Variants in CC2D2A observed in about 807,000 individuals in gnomAD.
The protein encoded by CC2D2A is coiled-coil and C2 domain-containing protein 2A.
In CC2D2A, 155 loss-of-function variants were observed where a neutral mutation model predicts 212.9. The observed-to-expected ratio is 0.73, with a 90% CI of 0.64 to 0.83. The LOEUF is 0.83. Among genes scored for constraint, CC2D2A ranks in the 40% least tolerant of loss-of-function variants. The pLI is 0.00. For synonymous variants in CC2D2A, 667 were observed against 686.5 expected (o/e 0.97, Z 0.44); for missense variants, 1,856 against 1,956.2 (o/e 0.95, Z 0.97).
At chr4:15,529,814 G>A (rs1717724798) in intron 13 of CC2D2A, among the ~76,000 whole-genome samples, 1 of 145,690 alleles carries the variant, frequency 6.9e-6, no homozygotes, top group Non-Finnish European at 1.5e-5. Flanking sequence ...AATAAATCGA[G>A]GCTTTTTTTT....
rs10022530 is a variant in CC2D2A, at chr4:15,473,476, A to G, written c.-18-2439A>G. On this transcript the variant is annotated intron_variant, in intron 1 of 36. Transcript: ENST00000424120. The stretch of plus-strand genomic sequence containing the variant: ...GAACTAGGTAGCAGGAACCGCAGCT[A>G]CAAAGGTCCTGAGGCAACAGGATTC... Among the ~76,000 whole-genome samples, 129,060 of 152,176 alleles carry G rather than the reference A, an allele frequency of 0.85. 54,892 individuals are homozygous for G. The highest frequency in any genetic ancestry group is 0.97 in the East Asian group (5,038 of 5,172).
rs1349492467 is a variant in CC2D2A, at chr4:15,567,683, G to A, written c.3295G>A (p.Val1099Ile). The change falls in exon 26 of 37, where the codon GTA becomes ATA. Residue 1099 changes from valine (V) to isoleucine (I), a missense_variant. By Grantham distance (29) the Val-to-Ile change is conservative (BLOSUM62 3). Transcript: ENST00000424120. Reference sequence around the variant, plus strand: ...ATTTGCTCTTGATTTTAAGGTTTTAGTACGTCCCTTTGTAGAAGTCTCTTT... The same window carrying A: ...ATTTGCTCTTGATTTTAAGGTTTTAATACGTCCCTTTGTAGAAGTCTCTTT... ...NADYPLGQVLVRPFVEVSFQR... is the reference protein window; with the variant it reads ...NADYPLGQVLIRPFVEVSFQR... 1 of 1,599,736 alleles carries A rather than the reference G, an allele frequency of 6.3e-7. No homozygotes were observed. The highest frequency in any genetic ancestry group is 8.5e-7 in the Non-Finnish European group (1 of 1,175,750).
At chr4:15,517,017 G>A (rs1716918909) in intron 11 of CC2D2A, among the ~76,000 whole-genome samples, 2 of 139,910 alleles carry the variant, frequency 1.4e-5, no homozygotes, top group Admixed American at 7.9e-5. Context: ...GCGCGATCTC[G>A]GCTCACTGCA....
chr4:15,570,002 T>C (rs1245335802), intron 27 of CC2D2A, among the ~76,000 whole-genome samples: 3 of 152,196 alleles, frequency 2.0e-5, no homozygotes, highest in African/African-American at 7.2e-5. Context: ...TGGTAACATT[T>C]TCCATCTTTC....
Position 15,527,516 on chromosome 4 carries a change from G to A in CC2D2A, c.1219G>A (p.Asp407Asn). The change falls in exon 12 of 37, where the codon GAC (aspartate) becomes AAC (asparagine). Residue 407 changes from aspartate to asparagine, a missense_variant. Asp to Asn is a conservative substitution (Grantham distance 23, BLOSUM62 1). This residue lies in a region of CC2D2A where 1,512 missense variants were observed against 1,579.3 expected (regional missense o/e 0.96). Coordinates refer to ENST00000424120, the MANE Select transcript of CC2D2A (RefSeq NM_001378615.1). ...AGACCCTCCTGGAAATTTCCAACTG[G>A]ACATTGATATTTCAGGGTTAATCTT... is the stretch of plus-strand genomic sequence containing the variant. The part of the protein sequence containing the change: ...SGDPPGNFQL[D>N]IDISGLIFTH... 1 of 1,613,594 alleles carries A rather than the reference G, an allele frequency of 6.2e-7. No individual in the cohort carries two copies. The highest frequency in any genetic ancestry group is 1.6e-4 in the Middle Eastern group (1 of 6,062).
At chr4:15,555,274 C>A in intron 20 of CC2D2A, 64 bp downstream of exon 20, 1 of 1,559,472 alleles carries the variant, frequency 6.4e-7, no homozygotes, top group South Asian at 1.2e-5. Flanking sequence ...TTCCTTTACA[C>A]TATCTTCTCC....
Position 15,511,427 on chromosome 4 carries a change from T to C in CC2D2A, c.717+4T>C. The C allele has an allele frequency of 6.5e-7, 1 of 1,530,042 alleles. No homozygotes were observed. Among genetic ancestry groups the C allele is most frequent in the Non-Finnish European group, 8.7e-7 (1 of 1,147,844 alleles). The allele number at this position is 1,530,042 out of a possible 1,614,324, so 94.8% of individuals were successfully genotyped here. ...ACAAGGAGGAGGAAAGGAAATGGTA[T>C]TTAATATCAGGATGGTAATGAGGTG... On this transcript the variant is annotated splice_donor_region_variant and intron_variant, in intron 8 of 36. Transcript: ENST00000424120.
At position 15,567,677 on chromosome 4, in the gene CC2D2A, G is replaced by A; in HGVS notation, c.3289G>A (p.Val1097Ile). 2.5e-6 allele frequency: 4 copies of A among 1,595,052 alleles called. No individual in the cohort carries two copies. The highest frequency in any genetic ancestry group is 3.4e-6 in the Non-Finnish European group (4 of 1,173,802). Reference protein sequence around the residue: ...THNADYPLGQVLVRPFVEVSF... With the variant: ...THNADYPLGQILVRPFVEVSF... ...CTCAGAATTTGCTCTTGATTTTAAG[G>A]TTTTAGTACGTCCCTTTGTAGAAGT... The change falls in exon 26 of 37, where the codon GTT becomes ATT. Residue 1097 changes from valine (V) to isoleucine (I), a missense_variant and splice_region_variant. By Grantham distance (29) the Val-to-Ile change is conservative. This residue lies in a region of CC2D2A where 1,512 missense variants were observed against 1,579.3 expected (regional missense o/e 0.96). Transcript: ENST00000424120.
chr4:15,600,843 G>A (rs1721555789), intron 36 of CC2D2A, among the ~76,000 whole-genome samples: 1 of 147,292 alleles, frequency 6.8e-6, no homozygotes, highest in African/African-American at 2.5e-5. Flanking sequence ...GGCCGAGGCT[G>A]CAGTGGTGAG....
At chr4:15,569,483 C>T in intron 27 of CC2D2A, 94 bp downstream of exon 27, 1 of 718,776 alleles carries the variant, frequency 1.4e-6, no homozygotes, top group Non-Finnish European at 2.5e-6. Context: ...AGAAAGGGGT[C>T]CCGATCTAGA....
At chr4:15,530,315 A>C (rs1438908706) in intron 13 of CC2D2A, among the ~76,000 whole-genome samples, 1 of 152,168 alleles carries the variant, frequency 6.6e-6, no homozygotes, top group African/African-American at 2.4e-5. Flanking sequence ...TTTAGCTATG[A>C]GTTGGAAATT....
At chr4:15,502,541 CT>C in intron 5 of CC2D2A, 24 bp downstream of exon 5, 1 of 1,560,402 alleles carries the variant, frequency 6.4e-7, no homozygotes, top group East Asian at 2.2e-5. Flanking sequence ...CATGAATATT[CT>C]GTTCAGTGCT....
In CC2D2A at chr4:15,538,122, A is replaced by G. The variant is rs764073088; in HGVS notation, c.1988A>G (p.Asn663Ser). 4 of 1,585,616 alleles carry G rather than the reference A, an allele frequency of 2.5e-6. No homozygotes were observed. Among genetic ancestry groups the G allele is most frequent in the East Asian group, 4.6e-5 (2 of 43,878 alleles). The change falls in exon 16 of 37, where the codon AAT becomes AGT. Residue 663 changes from asparagine (N) to serine (S), a missense_variant. Physicochemically the swap from Asn to Ser is conservative, Grantham distance 46 (BLOSUM62 1). Transcript: ENST00000424120. ...AGCCTGGCAGGAAGCGTAACACCCA[A>G]TGACCAGTGCCCCAGGTGAGTGGAT... ...ELSLAGSVTP[N>S]DQCPRAEVSR... is the part of the protein sequence containing the mutation.
At chr4:15,600,089 G>A (rs908369197) in intron 36 of CC2D2A, among the ~76,000 whole-genome samples, 1 of 152,006 alleles carries the variant, frequency 6.6e-6, no homozygotes, top group African/African-American at 2.4e-5. Flanking sequence ...ATTAATAGAC[G>A]ATATACCCTC....
chr4:15,588,917 TA>T (rs1225131186), intron 32 of CC2D2A, among the ~76,000 whole-genome samples: 1 of 151,496 alleles, frequency 6.6e-6, no homozygotes, highest in East Asian at 1.9e-4. Flanking sequence ...AAATAAATAA[TA>T]AAAAAATTCT....
At chr4:15,542,282 G>A (rs997459580) in intron 17 of CC2D2A, among the ~76,000 whole-genome samples, 32 of 152,186 alleles carry the variant, frequency 2.1e-4, no homozygotes, top group African/African-American at 7.0e-4. Flanking sequence ...TGTTCTTTCG[G>A]TGACTCTTCT....
intron 1 of CC2D2A, 90 bp downstream of exon 1, chr4:15,470,147 G>GT (rs1458472670): frequency 6.6e-6 from 1 of 152,212 alleles, no homozygotes; most frequent in Non-Finnish European, 1.5e-5. Context: ...CCAGGATACC[G>GT]TGAGACTGGA....
At chr4:15,514,207 C>G (rs1476041400) in intron 8 of CC2D2A, among the ~76,000 whole-genome samples, 3 of 152,182 alleles carry the variant, frequency 2.0e-5, no homozygotes, top group African/African-American at 7.2e-5. Context: ...AACTGAGGAT[C>G]AGAAGGTTAA....
At chr4:15,471,174 G>A (rs1270888783) in intron 1 of CC2D2A, among the ~76,000 whole-genome samples, 2 of 152,160 alleles carry the variant, frequency 1.3e-5, no homozygotes, top group Non-Finnish European at 2.9e-5. Flanking sequence ...CCAAAACAAT[G>A]TATGTGGCAC....
Sources: gnomAD v4.1 joint callset for allele counts (sites outside exome capture counted in the v4.1 genomes callset) on GRCh38, gnomAD v4.1.1 for gene constraint, gnomAD v4.1.1 regional missense constraint, MANE v1.5 for transcripts, NCBI Gene and HGNC (gene_info 2026-07-23, HGNC 2026-07-21) for gene names.